Variants in NKAIN2 observed in about 807,000 individuals in gnomAD.
NKAIN2 encodes sodium/potassium-transporting ATPase subunit beta-1-interacting protein 2.
Under a neutral mutation model 32.6 loss-of-function variants are expected in NKAIN2, and 14 were observed. That is an observed-to-expected ratio of 0.43 (90% CI 0.28 to 0.67). NKAIN2 has a LOEUF of 0.67. NKAIN2 is among the 30% of genes least tolerant of loss of function. The pLI, the probability that NKAIN2 is intolerant of heterozygous loss-of-function variation, is 0.17. For missense variants in NKAIN2, 198 were observed against 258.3 expected (o/e 0.77, Z 1.60); for synonymous variants, 80 against 87.2 (o/e 0.92, Z 0.46).
intron 1 of NKAIN2, among the ~76,000 whole-genome samples, chr6:123,996,369 A>C (rs1184028589): frequency 1.9e-5 from 1 of 51,800 alleles, no homozygotes. Context: ...TTCAAATACT[A>C]TAAATAATAT....
chr6:124,228,804 C>T (rs1025420964), intron 1 of NKAIN2, among the ~76,000 whole-genome samples: 4 of 152,048 alleles, frequency 2.6e-5, no homozygotes, highest in East Asian at 1.9e-4. Context: ...ATAGTTTTAA[C>T]GTTAAATGGT....
intron 1 of NKAIN2, among the ~76,000 whole-genome samples, chr6:123,822,878 G>T (rs1243044704): frequency 6.6e-6 from 1 of 152,188 alleles, no homozygotes; most frequent in East Asian, 1.9e-4. Flanking sequence ...AAAATGCTCA[G>T]AATGGTCACT....
rs181641193 is a variant in NKAIN2 at position 124,474,119 on chromosome 6, A to G, written c.273+118772A>G. On this transcript the variant is annotated intron_variant, in intron 3 of 6. Transcript: ENST00000368417. ...TTCTTAGGACTGTATTTTTTTTTTAAGAGACAGGTTTCTCGCTCTATCGCC... is the reference window on the plus strand; with the variant it reads ...TTCTTAGGACTGTATTTTTTTTTTAGGAGACAGGTTTCTCGCTCTATCGCC... Among the ~76,000 whole-genome samples, 462 of 151,672 alleles carry G rather than the reference A, an allele frequency of 3.0e-3. 2 individuals carry two copies. The highest frequency in any genetic ancestry group is 9.6e-3 in the African/African-American group (398 of 41,462).
chr6:124,503,455 T>C (rs1321365911), intron 3 of NKAIN2, among the ~76,000 whole-genome samples: 5 of 152,102 alleles, frequency 3.3e-5, no homozygotes, highest in African/African-American at 9.7e-5. Context: ...CGAAAGTAGC[T>C]TAAAATATTT....
At chr6:124,796,498 T>C (rs1780004666) in intron 5 of NKAIN2, among the ~76,000 whole-genome samples, 1 of 152,072 alleles carries the variant, frequency 6.6e-6, no homozygotes, top group Non-Finnish European at 1.5e-5. Context: ...AAAATATCTG[T>C]GGGGCACAGA....
chr6:124,399,417 G>A lies in NKAIN2; in HGVS notation c.273+44070G>A, dbSNP rs1255256119. Among the ~76,000 whole-genome samples, 3 of 152,112 alleles carry A rather than the reference G, an allele frequency of 2.0e-5. No homozygotes were observed. The East Asian group carries it at 5.8e-4, about 29-fold the overall frequency. On this transcript the variant is annotated intron_variant, in intron 3 of 6. Coordinates refer to ENST00000368417, the MANE Select transcript of NKAIN2 (RefSeq NM_001040214.3). ...TAGATTATCTTCCTCTGTGGCCAAG[G>A]GGCCCCACAACATCTACAGGCTACA...
intron 1 of NKAIN2, among the ~76,000 whole-genome samples, chr6:124,067,846 A>G (rs1783266136): frequency 1.3e-5 from 2 of 152,210 alleles, no homozygotes; most frequent in South Asian, 4.1e-4. Context: ...GCAAATATGT[A>G]TTGGGCACCT....
chr6:124,787,481 A>G (rs1779560675), intron 4 of NKAIN2, among the ~76,000 whole-genome samples: 1 of 152,110 alleles, frequency 6.6e-6, no homozygotes, highest in African/African-American at 2.4e-5. Flanking sequence ...TGCAAGGCTG[A>G]CTAGGGAGGG....
At chr6:124,320,444 G>A (rs559956998) in intron 2 of NKAIN2, among the ~76,000 whole-genome samples, 1 of 152,258 alleles carries the variant, frequency 6.6e-6, no homozygotes, top group South Asian at 2.1e-4. Flanking sequence ...CAAGAGTTCT[G>A]AAGGATAAGG....
intron 5 of NKAIN2, among the ~76,000 whole-genome samples, chr6:124,800,448 C>T (rs945947293): frequency 2.0e-5 from 3 of 152,194 alleles, no homozygotes; most frequent in South Asian, 2.1e-4. Flanking sequence ...AAGATACTCA[C>T]GGAGGCCTCC....
rs549884986 is a variant in NKAIN2 at position 124,447,690 on chromosome 6, C to T, written c.273+92343C>T. 2.6e-5 allele frequency among the ~76,000 whole-genome samples: 4 copies of T among 152,234 alleles called. No homozygotes were observed. In the South Asian group the frequency reaches 8.3e-4, roughly 32 times the overall value. Reference sequence around the variant, plus strand: ...TCAGCTATTTCAAGCATTCTGCTATCCTGTAATCATTTTAGCCTGACTTCT... The same window carrying T: ...TCAGCTATTTCAAGCATTCTGCTATTCTGTAATCATTTTAGCCTGACTTCT... On this transcript the variant is annotated intron_variant, in intron 3 of 6. Coordinates refer to ENST00000368417, the MANE Select transcript of NKAIN2 (RefSeq NM_001040214.3).
At chr6:124,049,444 C>A (rs1336358697) in intron 1 of NKAIN2, among the ~76,000 whole-genome samples, 1 of 151,892 alleles carries the variant, frequency 6.6e-6, no homozygotes, top group Non-Finnish European at 1.5e-5. Context: ...ATGAAGAGAA[C>A]CTGAAGGCAA....
intron 3 of NKAIN2, among the ~76,000 whole-genome samples, chr6:124,495,556 C>G (rs756859539): frequency 6.6e-6 from 1 of 152,042 alleles, no homozygotes; most frequent in African/African-American, 2.4e-5. Flanking sequence ...GTAGCTCCAG[C>G]GTGATGCCAA....
chr6:123,887,897 G>GC, intron 1 of NKAIN2, among the ~76,000 whole-genome samples: 1 of 152,148 alleles, frequency 6.6e-6, no homozygotes, highest in Admixed American at 6.5e-5. Context: ...TCACATTAGA[G>GC]CCCTATTCCT....
chr6:124,169,925 A>C (rs1788762738), intron 1 of NKAIN2, among the ~76,000 whole-genome samples: 1 of 152,134 alleles, frequency 6.6e-6, no homozygotes. Flanking sequence ...GCTTGGGCCG[A>C]GGCCTAAGTA....
chr6:124,171,833 T>G (rs1388526434), intron 1 of NKAIN2, among the ~76,000 whole-genome samples: 1 of 150,754 alleles, frequency 6.6e-6, no homozygotes, highest in Non-Finnish European at 1.5e-5. Flanking sequence ...ATTACAGGCG[T>G]GAGCCACCGC....
At chr6:124,155,646 A>G (rs1386990176) in intron 1 of NKAIN2, among the ~76,000 whole-genome samples, 2 of 151,296 alleles carry the variant, frequency 1.3e-5, no homozygotes, top group African/African-American at 2.4e-5. Context: ...CAATTTTGAT[A>G]TGATTTAACA....
chr6:124,495,004 A>G (rs183784752), intron 3 of NKAIN2, among the ~76,000 whole-genome samples: 251 of 152,252 alleles, frequency 1.6e-3, no homozygotes, highest in African/African-American at 5.9e-3. Flanking sequence ...TTCTACAGTC[A>G]TTGGTTAATT....
At chr6:124,615,683 C>T (rs1782860028) in intron 3 of NKAIN2, among the ~76,000 whole-genome samples, 1 of 147,552 alleles carries the variant, frequency 6.8e-6, no homozygotes, top group Non-Finnish European at 1.5e-5. Flanking sequence ...AATATTTTTT[C>T]TGACCCTTTC....
Sources: allele counts gnomAD v4.1 joint callset (sites outside exome capture counted in the v4.1 genomes callset), GRCh38; gene constraint gnomAD v4.1.1; transcripts MANE v1.5; gene names NCBI Gene and HGNC (gene_info 2026-07-23, HGNC 2026-07-21).